TRIML1: variants seen among roughly 807,000 people sequenced by gnomAD.
The protein encoded by TRIML1 is tripartite motif family like 1.
TRIML1 carries 34 observed loss-of-function variants against 32.3 expected under a neutral mutation model. The observed-to-expected ratio is 1.05, with a 90% CI of 0.80 to 1.40. TRIML1 has a LOEUF of 1.40. Among genes scored for constraint, TRIML1 ranks in the 40% most tolerant of loss-of-function variants. The pLI, the probability that TRIML1 is intolerant of heterozygous loss-of-function variation, is 0.00. For synonymous variants in TRIML1, 244 were observed against 226.6 expected (o/e 1.08, Z -0.69); for missense variants, 595 against 574.9 (o/e 1.03, Z -0.36).
At position 188,147,204 on chromosome 4, in the gene TRIML1, T is replaced by C. The variant is rs1026524260; in HGVS notation, c.1239T>C (p.Tyr413=). 10 of 1,613,742 alleles carry C rather than the reference T, an allele frequency of 6.2e-6. No homozygotes were observed. The highest frequency in any genetic ancestry group is 2.7e-5 in the African/African-American group (2 of 74,934). Residue 413 remains tyrosine (Y), a synonymous_variant, in exon 6 of 6, where the codon TAT becomes TAC. Transcript: ENST00000332517. ...GTAAGGTTGGTGTCTTCCTGGACTA[T>C]GAATCTGGACATATAGCATTCTACA... The part of the protein sequence containing the change: ...PVCKVGVFLD[Y]ESGHIAFYNG...
chr4:188,143,752 G>T (rs1734950130), intron 3 of TRIML1, 86 bp from the exon 4 acceptor site: 3 of 1,522,384 alleles, frequency 2.0e-6, no homozygotes, highest in Non-Finnish European at 2.7e-6. Flanking sequence ...GATTCTGTGA[G>T]CTTTGCAAGG....
intron 2 of TRIML1, 121 bp from the exon 3 acceptor site, chr4:188,142,131 A>T: frequency 1.5e-6 from 1 of 666,606 alleles, no homozygotes; most frequent in Non-Finnish European, 2.4e-6. Context: ...AAAAAAAAAA[A>T]AGAAAGAAAG....
In TRIML1 at chr4:188,139,829, G is replaced by A. The variant is rs77409624; in HGVS notation, c.271G>A (p.Glu91Lys). The change falls in exon 1 of 6, where the codon GAG becomes AAG. Residue 91 changes from glutamate to lysine, a missense_variant. Physicochemically the swap from Glu to Lys is moderately conservative, Grantham distance 56. Transcript: ENST00000332517. ...GTCCCAGGTGCTGCAGAGCGAGGAT[G>A]AGCAGGGCAGCTACGGGAGGATGCC... ...LRSQVLQSED[E>K]QGSYGRMPTT... The A allele has an allele frequency of 3.7e-6, 6 of 1,613,786 alleles. No homozygotes were observed. Among genetic ancestry groups the A allele is most frequent in the South Asian group, 1.1e-5 (1 of 91,090 alleles).
intron 5 of TRIML1, 136 bp from the exon 6 acceptor site, chr4:188,146,683 AGGC>A: frequency 1.7e-6 from 1 of 598,300 alleles, no homozygotes. Context: ...GCTGCATTAC[AGGC>A]GCGAGCCATC....
chr4:188,138,483 T>C (rs139543531), upstream of TRIML1, among the ~76,000 whole-genome samples: 34 of 152,044 alleles, frequency 2.2e-4, no homozygotes, highest in African/African-American at 8.2e-4. Context: ...CTTCCTGGCA[T>C]GCAGTGAGCA....
rs201741977 is a variant in TRIML1 at position 188,146,858 on chromosome 4, A to G, written c.893A>G (p.Tyr298Cys). The G allele has an allele frequency of 3.8e-5, 55 of 1,441,664 alleles. No homozygotes were observed. The highest frequency in any genetic ancestry group is 1.0e-4 in the African/African-American group (7 of 69,902). The allele number at this position is 1,441,664 out of a possible 1,614,324, so 89.3% of individuals were successfully genotyped here. A position where few individuals can be genotyped will look rare whatever the true frequency, so the allele number is the denominator to read the frequency against. Reference sequence around the variant, plus strand: ...CTGGACCCAGCCACAGCTAATGCCTATCTCGTGTTGTCGGAGGATCTGAAG... The same window carrying G: ...CTGGACCCAGCCACAGCTAATGCCTGTCTCGTGTTGTCGGAGGATCTGAAG... ...ITLDPATANA[Y>C]LVLSEDLKSV... is the part of the protein sequence containing the mutation. The change falls in exon 6 of 6, where the codon TAT becomes TGT. Residue 298 changes from tyrosine to cysteine, a missense_variant. Coordinates refer to ENST00000332517, the MANE Select transcript of TRIML1 (RefSeq NM_178556.5).
intron 5 of TRIML1, among the ~76,000 whole-genome samples, chr4:188,146,106 G>T (rs1735068783): frequency 1.3e-5 from 2 of 152,146 alleles, no homozygotes; most frequent in South Asian, 4.1e-4. Flanking sequence ...AAAATGTTTG[G>T]CACATTAGAA....
At chr4:188,150,694 T>C (rs1735230681), downstream of TRIML1, among the ~76,000 whole-genome samples, 2 of 151,776 alleles carry the variant, frequency 1.3e-5, no homozygotes, top group South Asian at 2.1e-4. Context: ...TCTAGCCTAA[T>C]TTTTCCTTTG....
At chr4:188,148,934 G>A (rs7377490), downstream of TRIML1, among the ~76,000 whole-genome samples, 2 of 107,042 alleles carry the variant, frequency 1.9e-5, no homozygotes, top group South Asian at 3.8e-4. Flanking sequence ...TTTTTGAGAC[G>A]GAGTAGTCTT....
chr4:188,144,039 C>A lies in TRIML1; in HGVS notation c.762C>A (p.Ser254Arg). The A allele has an allele frequency of 6.3e-7, 1 of 1,596,114 alleles. No homozygotes were observed. The highest frequency in any genetic ancestry group is 1.7e-4 in the Middle Eastern group (1 of 5,808). Reference sequence around the variant, plus strand: ...GAACCTCTCTGCTCTCTTGCAGGAGCGAGCCACTCTTGCTTCAGTGTCCAG... The same window carrying A: ...GAACCTCTCTGCTCTCTTGCAGGAGAGAGCCACTCTTGCTTCAGTGTCCAG... ...LEEVRGALER[S>R]EPLLLQCPEA... The change falls in exon 5 of 6, where the codon AGC becomes AGA. Residue 254 changes from serine (S) to arginine (R), a missense_variant. Transcript: ENST00000332517.
rs765250470 is a variant in TRIML1, at chr4:188,140,543, A to T, written c.424A>T (p.Ile142Phe). 8 of 1,614,024 alleles carry T rather than the reference A, an allele frequency of 5.0e-6. No homozygotes were observed. The South Asian group carries it at 8.8e-5, about 18-fold the overall frequency. Reference sequence around the variant, plus strand: ...TCTATTGCAGGAGAAACTCCAGGAAATCCTGAATCTTTTGCGTGTAAGGAG... The same window carrying T: ...TCTATTGCAGGAGAAACTCCAGGAATTCCTGAATCTTTTGCGTGTAAGGAG... ...EEHHREKLQE[I>F]LNLLRVRRKE... Residue 142 changes from isoleucine to phenylalanine, a missense_variant, in exon 2 of 6, where the codon ATC becomes TTC. Ile to Phe is a conservative substitution (Grantham distance 21). Coordinates refer to ENST00000332517, the MANE Select transcript of TRIML1 (RefSeq NM_178556.5).
chr4:188,139,977 T>G lies in TRIML1; in HGVS notation c.408+11T>G. 1 of 1,588,582 alleles carries G rather than the reference T, an allele frequency of 6.3e-7. No homozygotes were observed. The highest frequency in any genetic ancestry group is 8.6e-7 in the Non-Finnish European group (1 of 1,164,972). On this transcript the variant is annotated intron_variant, in intron 1 of 5. Coordinates refer to ENST00000332517, the MANE Select transcript of TRIML1 (RefSeq NM_178556.5). ...GAGGAGCATCACAGAGTAAGACAGC[T>G]GCTCAGCATGAACCCCACGACTCAT...
intron 1 of TRIML1, among the ~76,000 whole-genome samples, chr4:188,140,207 G>T (rs185921551): frequency 6.6e-6 from 1 of 150,498 alleles, no homozygotes; most frequent in East Asian, 2.0e-4. Context: ...TGCAACCTCC[G>T]CCTCCCAGGT....
chr4:188,149,527 G>A (rs540359867), downstream of TRIML1, among the ~76,000 whole-genome samples: 2 of 152,180 alleles, frequency 1.3e-5, no homozygotes, highest in South Asian at 2.1e-4. Context: ...TGTAGGGTGC[G>A]CTTATCCTTC....
chr4:188,142,308 G>T lies in TRIML1; in HGVS notation c.561G>T (p.Gln187His). 1 of 1,612,844 alleles carries T rather than the reference G, an allele frequency of 6.2e-7. No homozygotes were observed. ...TGTCAGAATACATGAAAATGCACCA[G>T]TTCCTGAAGGAAGAGGAGCAGCTGC... The part of the protein sequence containing the change: ...VVVSEYMKMH[Q>H]FLKEEEQLQL... The change falls in exon 3 of 6, where the codon CAG becomes CAT. Residue 187 changes from glutamine (Q) to histidine (H), a missense_variant. Gln to His is a conservative substitution (Grantham distance 24, BLOSUM62 0). Coordinates refer to ENST00000332517, the MANE Select transcript of TRIML1 (RefSeq NM_178556.5).
At chr4:188,141,237 G>A (rs1163917534) in intron 2 of TRIML1, among the ~76,000 whole-genome samples, 3 of 143,348 alleles carry the variant, frequency 2.1e-5, no homozygotes, top group South Asian at 2.4e-4. Flanking sequence ...GCGCGATCCC[G>A]GCTCACTGCA....
downstream of TRIML1, among the ~76,000 whole-genome samples, chr4:188,149,148 T>C (rs941296304): frequency 3.3e-5 from 5 of 151,656 alleles, no homozygotes; most frequent in Non-Finnish European, 7.4e-5. Context: ...CTTGATCTCC[T>C]GACCTCGTGA....
At chr4:188,145,854 A>C (rs919173504) in intron 5 of TRIML1, among the ~76,000 whole-genome samples, 7 of 152,014 alleles carry the variant, frequency 4.6e-5, no homozygotes, top group Non-Finnish European at 1.0e-4. Flanking sequence ...CCCATATGTG[A>C]CTGTCGGTTC....
At position 188,140,595 on chromosome 4, in the gene TRIML1, A is replaced by C. The variant is rs755601791; in HGVS notation, c.476A>C (p.His159Pro). 6.2e-7 allele frequency: 1 copy of C among 1,613,920 alleles called. No individual in the cohort carries two copies. Among genetic ancestry groups the C allele is most frequent in the Non-Finnish European group, 8.5e-7 (1 of 1,179,874 alleles). ...AAGGAAGCTCAGGCTGTACTAACCC[A>C]TGAGAAGGAGAGAGTGAAACTGTGC... ...RRKEAQAVLT[H>P]EKERVKLCQE... is the part of the protein sequence containing the mutation. The change falls in exon 2 of 6, where the codon CAT (histidine) becomes CCT (proline). Residue 159 changes from histidine to proline, a missense_variant. Transcript: ENST00000332517.
Sources: gnomAD v4.1 joint callset for allele counts (sites outside exome capture counted in the v4.1 genomes callset) on GRCh38, gnomAD v4.1.1 for gene constraint, MANE v1.5 for transcripts, NCBI Gene and HGNC (gene_info 2026-07-23, HGNC 2026-07-21) for gene names.